Variants in CSMD1 observed in about 807,000 individuals in gnomAD.
CSMD1 encodes CUB and sushi domain-containing protein 1.
In CSMD1, 213 loss-of-function variants were observed where a neutral mutation model predicts 417.5. The observed-to-expected ratio is 0.51, with a 90% CI of 0.46 to 0.57. CSMD1 has a LOEUF of 0.57. Ranked by LOEUF, CSMD1 falls within the 20% of genes least tolerant of loss-of-function variation. CSMD1 has a pLI of 0.00. For synonymous variants in CSMD1, 2,862 were observed against 1,736.8 expected (o/e 1.65, Z -16.11); for missense variants, 6,923 against 4,529.7 (o/e 1.53, Z -15.17).
chr8:3,950,581 G>A (rs889269784), intron 5 of CSMD1, among the ~76,000 whole-genome samples: 2 of 152,174 alleles, frequency 1.3e-5, no homozygotes, highest in Non-Finnish European at 2.9e-5. Context: ...TAGCAATATT[G>A]CGTGAAATAT....
intron 3 of CSMD1, among the ~76,000 whole-genome samples, chr8:4,324,254 G>C (rs1399952919): frequency 8.5e-5 from 13 of 152,178 alleles, no homozygotes; most frequent in African/African-American, 3.1e-4. Context: ...AAGAATGTGA[G>C]TTCTGAGACC....
At chr8:2,964,901 G>C (rs1218631214) in intron 59 of CSMD1, among the ~76,000 whole-genome samples, 2 of 152,258 alleles carry the variant, frequency 1.3e-5, no homozygotes, top group East Asian at 1.9e-4. Context: ...ACTCACCGAA[G>C]ATGAAACCTT....
intron 54 of CSMD1, among the ~76,000 whole-genome samples, chr8:2,986,722 T>G (rs2128944142): frequency 6.6e-6 from 1 of 152,198 alleles, no homozygotes; most frequent in South Asian, 2.1e-4. Context: ...GCCAGGATGG[T>G]TTTGATCTCC....
At chr8:4,207,295 A>G (rs1800036598) in intron 3 of CSMD1, among the ~76,000 whole-genome samples, 1 of 152,198 alleles carries the variant, frequency 6.6e-6, no homozygotes, top group Non-Finnish European at 1.5e-5. Flanking sequence ...GCTGGTCTAA[A>G]CCATGTTAAC....
chr8:4,937,679 G>A (rs759349442), intron 1 of CSMD1, among the ~76,000 whole-genome samples: 2 of 152,152 alleles, frequency 1.3e-5, no homozygotes, highest in South Asian at 4.1e-4. Context: ...TTAAAATAGA[G>A]CAGTGGTTTC....
chr8:3,411,679 T>C (rs1177144949), intron 12 of CSMD1, among the ~76,000 whole-genome samples: 1 of 68,790 alleles, frequency 1.5e-5, no homozygotes. Context: ...CGTGTATATA[T>C]ACGTGTATAT....
intron 2 of CSMD1, among the ~76,000 whole-genome samples, chr8:4,434,039 A>G (rs1798014782): frequency 6.6e-6 from 1 of 152,176 alleles, no homozygotes; most frequent in African/African-American, 2.4e-5. Flanking sequence ...AAGGAATTTT[A>G]AATATCTGGA....
At position 3,296,644 on chromosome 8, in the gene CSMD1, T is replaced by C. The variant is rs532931015; in HGVS notation, c.3950+11051A>G. Among the ~76,000 whole-genome samples the C allele has an allele frequency of 2.6e-5, 4 of 152,166 alleles. No homozygotes were observed. In the South Asian group the frequency reaches 8.3e-4, roughly 32 times the overall value. On this transcript the variant is annotated intron_variant, in intron 25 of 69. Transcript: ENST00000635120. ...GGCGTATGTGCTGAGATGAGCTGAA[T>C]ATGGAGGTACCCAGGCACTGGTCAG...
intron 1 of CSMD1, among the ~76,000 whole-genome samples, chr8:4,823,621 C>T (rs546737949): frequency 1.3e-5 from 2 of 151,902 alleles, no homozygotes; most frequent in African/African-American, 2.4e-5. Context: ...CATCGACCCC[C>T]TACTACACAT....
rs116632088 is a variant in CSMD1, at chr8:4,488,515, T to C, written c.303-68450A>G. Among the ~76,000 whole-genome samples the C allele has an allele frequency of 2.6e-3, 400 of 152,224 alleles. 1 individual carries two copies. The highest frequency in any genetic ancestry group is 9.1e-3 in the African/African-American group (377 of 41,526). ...TAGTCACCCTACTCTGAATCAAACA[T>C]TGGATTTCTACAATGTTTTTAAACT... On this transcript the variant is annotated intron_variant, in intron 2 of 69. Coordinates refer to ENST00000635120, the MANE Select transcript of CSMD1 (RefSeq NM_033225.6).
chr8:3,712,542 T>C (rs1289571937), intron 6 of CSMD1, among the ~76,000 whole-genome samples: 7 of 152,290 alleles, frequency 4.6e-5, no homozygotes, highest in South Asian at 2.1e-4. Flanking sequence ...AATTAAACTA[T>C]TGAGTCATTC....
At chr8:3,693,974 G>A (rs1444438292) in intron 7 of CSMD1, among the ~76,000 whole-genome samples, 2 of 150,976 alleles carry the variant, frequency 1.3e-5, no homozygotes, top group Non-Finnish European at 3.0e-5. Flanking sequence ...TGTGTGTTGG[G>A]TATGTGTGTT....
intron 1 of CSMD1, among the ~76,000 whole-genome samples, chr8:4,781,962 A>G (rs1797171338): frequency 6.6e-6 from 1 of 152,360 alleles, no homozygotes; most frequent in East Asian, 1.9e-4. Context: ...AAATGACAAT[A>G]AAATAAACTC....
At chr8:3,087,010 A>T in intron 49 of CSMD1, 87 bp downstream of exon 49, 2 of 1,181,686 alleles carry the variant, frequency 1.7e-6, no homozygotes, top group Non-Finnish European at 2.4e-6. Flanking sequence ...TTTTATTCTT[A>T]GTTAGTGCTT....
intron 3 of CSMD1, among the ~76,000 whole-genome samples, chr8:4,408,774 C>G (rs1475520310): frequency 6.6e-6 from 1 of 152,070 alleles, no homozygotes; most frequent in Non-Finnish European, 1.5e-5. Flanking sequence ...CCATCAGCTG[C>G]CATTTTTCTG....
chr8:4,580,658 C>G lies in CSMD1; in HGVS notation c.302+56684G>C, dbSNP rs558352291. Among the ~76,000 whole-genome samples, 3 of 152,266 alleles carry G rather than the reference C, an allele frequency of 2.0e-5. No individual in the cohort carries two copies. The East Asian group carries it at 5.8e-4, about 30-fold the overall frequency. The stretch of plus-strand genomic sequence containing the variant: ...ATCACATAAGACATTCTCTTCTACC[C>G]TGGCTGAGCAAAATGCACCGCGTCT... On this transcript the variant is annotated intron_variant, in intron 2 of 69. Coordinates refer to ENST00000635120, the MANE Select transcript of CSMD1 (RefSeq NM_033225.6).
At chr8:3,463,492 C>A (rs942775942) in intron 12 of CSMD1, among the ~76,000 whole-genome samples, 1 of 152,200 alleles carries the variant, frequency 6.6e-6, no homozygotes, top group South Asian at 2.1e-4. Flanking sequence ...GCAGCTTCAC[C>A]TTCTCTTTAG....
intron 3 of CSMD1, among the ~76,000 whole-genome samples, chr8:4,115,472 T>C (rs1421163846): frequency 6.6e-6 from 1 of 152,210 alleles, no homozygotes; most frequent in East Asian, 1.9e-4. Context: ...TTATATATAA[T>C]GCTTTAGACG....
At chr8:3,938,916 A>T (rs1404811961) in intron 5 of CSMD1, among the ~76,000 whole-genome samples, 2 of 152,180 alleles carry the variant, frequency 1.3e-5, no homozygotes, top group African/African-American at 4.8e-5. Flanking sequence ...ATACTCTATC[A>T]TTCTCAAACA....
Sources: allele counts gnomAD v4.1 joint callset (sites outside exome capture counted in the v4.1 genomes callset), GRCh38; gene constraint gnomAD v4.1.1; transcripts MANE v1.5; gene names NCBI Gene and HGNC (gene_info 2026-07-23, HGNC 2026-07-21).